The following FRAS1 variants were observed in gnomAD, a reference collection of about 807,000 sequenced individuals.
FRAS1 encodes the protein extracellular matrix organizing protein FRAS1.
A neutral mutation model predicts 435.2 loss-of-function variants in FRAS1; 290 were observed. That is an observed-to-expected ratio of 0.67 (90% CI 0.61 to 0.73). FRAS1 has a LOEUF of 0.73. Among genes scored for constraint, FRAS1 ranks in the 30% least tolerant of loss-of-function variants. FRAS1 has a pLI of 0.00. For missense variants in FRAS1, 4,860 were observed against 5,001.5 expected, an observed-to-expected ratio of 0.97 and a Z score of 0.85; for synonymous variants, 1,800 against 1,851.0, an observed-to-expected ratio of 0.97 and a Z score of 0.71.
chr4:78,481,884 G>A lies in FRAS1; in HGVS notation c.8524G>A (p.Asp2842Asn). 1 of 1,613,856 alleles carries A rather than the reference G, an allele frequency of 6.2e-7. No homozygotes were observed. Among genetic ancestry groups the A allele is most frequent in the Non-Finnish European group, 8.5e-7 (1 of 1,179,842 alleles). Residue 2842 changes from aspartate to asparagine, a missense_variant, in exon 57 of 74, where the codon GAC (aspartate) becomes AAC (asparagine). By Grantham distance (23) the Asp-to-Asn change is conservative. Coordinates refer to ENST00000512123, the MANE Select transcript of FRAS1 (RefSeq NM_025074.7). ...ASVWCATRPS[D>N]PASATPGVDY... ...TGTCTGGTGTGCAACGCGGCCCTCAGACCCAGCTTCTGCCACACCAGGAGT... is the reference window on the plus strand; with the variant it reads ...TGTCTGGTGTGCAACGCGGCCCTCAAACCCAGCTTCTGCCACACCAGGAGT...
chr4:78,204,827 A>G (rs1723190406), intron 2 of FRAS1, among the ~76,000 whole-genome samples: 1 of 152,260 alleles, frequency 6.6e-6, no homozygotes, highest in African/African-American at 2.4e-5. Context: ...AAATTTTGGG[A>G]AACTTCTAAG....
At chr4:78,114,121 C>G (rs1742957010) in intron 2 of FRAS1, among the ~76,000 whole-genome samples, 1 of 152,104 alleles carries the variant, frequency 6.6e-6, no homozygotes, top group Non-Finnish European at 1.5e-5. Flanking sequence ...TCAGGTTTGT[C>G]AAAGATCAGA....
intron 14 of FRAS1, among the ~76,000 whole-genome samples, chr4:78,307,261 T>G (rs562805901): frequency 6.6e-6 from 1 of 152,256 alleles, no homozygotes; most frequent in Non-Finnish European, 1.5e-5. Flanking sequence ...ACCACTGCTG[T>G]CTTCAAAGCT....
intron 63 of FRAS1, 63 bp downstream of exon 63, chr4:78,509,069 T>C: frequency 1.4e-6 from 2 of 1,427,488 alleles, no homozygotes; most frequent in South Asian, 2.3e-5. Context: ...TGTTCTTTGT[T>C]ACTCAGATAA....
intron 59 of FRAS1, among the ~76,000 whole-genome samples, chr4:78,489,511 G>A (rs1315064958): frequency 6.6e-6 from 1 of 152,146 alleles, no homozygotes; most frequent in Non-Finnish European, 1.5e-5. Flanking sequence ...CACTGTCTCA[G>A]GAGTAGAGAG....
chr4:78,137,254 G>A (rs1272381461), intron 2 of FRAS1, among the ~76,000 whole-genome samples: 1 of 152,138 alleles, frequency 6.6e-6, no homozygotes, highest in Admixed American at 6.5e-5. Flanking sequence ...CATGATCATA[G>A]TCAATTGTCC....
chr4:78,113,804 T>C (rs1180642951), intron 2 of FRAS1, among the ~76,000 whole-genome samples: 1 of 152,242 alleles, frequency 6.6e-6, no homozygotes, highest in African/African-American at 2.4e-5. Context: ...TGGTAGTTTC[T>C]TTTGCTGTGC....
At chr4:78,232,637 T>C (rs1201087811) in intron 2 of FRAS1, among the ~76,000 whole-genome samples, 1 of 152,220 alleles carries the variant, frequency 6.6e-6, no homozygotes, top group African/African-American at 2.4e-5. Flanking sequence ...AAAATTTTTC[T>C]GTAAACATAG....
At chr4:78,253,115 C>G (rs537798253) in intron 5 of FRAS1, among the ~76,000 whole-genome samples, 3 of 152,130 alleles carry the variant, frequency 2.0e-5, no homozygotes, top group Non-Finnish European at 2.9e-5. Flanking sequence ...GACCTCCCCC[C>G]AGGAATGCAT....
intron 20 of FRAS1, 98 bp downstream of exon 20, chr4:78,337,915 C>T (rs1392764579): frequency 8.4e-7 from 1 of 1,190,086 alleles, no homozygotes; most frequent in African/African-American, 1.5e-5. Flanking sequence ...AGTTTATGAG[C>T]TCTTTTATAG....
At chr4:78,143,367 T>C (rs937447522) in intron 2 of FRAS1, among the ~76,000 whole-genome samples, 180 of 152,128 alleles carry the variant, frequency 1.2e-3, no homozygotes, top group African/African-American at 4.1e-3. Flanking sequence ...CAAGGAGAAA[T>C]AGACAAACAC....
At chr4:78,094,149 A>G (rs1053340290) in intron 2 of FRAS1, among the ~76,000 whole-genome samples, 3 of 141,046 alleles carry the variant, frequency 2.1e-5, no homozygotes, top group African/African-American at 7.8e-5. Flanking sequence ...AAATGAAATT[A>G]GGAAAGCATG....
Position 78,292,794 on chromosome 4 carries a change from G to A in FRAS1, c.1534+6255G>A, listed in dbSNP as rs558825326. ...AACATACCCCAGGATTGGAGGGTTA[G>A]TCTCAGTTTCATTGCCGGGTCACAT... On this transcript the variant is annotated intron_variant, in intron 14 of 73. Coordinates refer to ENST00000512123, the MANE Select transcript of FRAS1 (RefSeq NM_025074.7). 2.8e-4 allele frequency among the ~76,000 whole-genome samples: 42 copies of A among 152,316 alleles called. No individual in the cohort carries two copies. The South Asian group carries it at 8.5e-3, about 31-fold the overall frequency.
chr4:78,406,624 A>T (rs1733106098), intron 30 of FRAS1, among the ~76,000 whole-genome samples: 1 of 152,190 alleles, frequency 6.6e-6, no homozygotes, highest in African/African-American at 2.4e-5. Context: ...TGGAGATACA[A>T]TTCAAGTTGA....
intron 2 of FRAS1, among the ~76,000 whole-genome samples, chr4:78,102,332 T>C (rs1742173351): frequency 6.6e-6 from 1 of 152,202 alleles, no homozygotes; most frequent in African/African-American, 2.4e-5. Flanking sequence ...GTGAAGTTCA[T>C]GCCCAGAATC....
intron 2 of FRAS1, among the ~76,000 whole-genome samples, chr4:78,129,856 T>C (rs1719596028): frequency 6.6e-6 from 1 of 151,886 alleles, no homozygotes; most frequent in African/African-American, 2.4e-5. Context: ...TCTCCAACTC[T>C]CCATTTTCTC....
chr4:78,429,370 C>G (rs1456224724), intron 36 of FRAS1, 144 bp downstream of exon 36: 14 of 1,055,446 alleles, frequency 1.3e-5, no homozygotes, highest in Non-Finnish European at 1.9e-5. Context: ...TTCCTCCTGC[C>G]CATTTCTATG....
chr4:78,319,132 A>C (rs77159527), intron 18 of FRAS1, 146 bp downstream of exon 18: 14,291 of 777,478 alleles, frequency 0.018, 187 homozygotes, highest in Middle Eastern at 0.025. Context: ...ACCAACGTGC[A>C]AAAGAGTAGC....
intron 2 of FRAS1, among the ~76,000 whole-genome samples, chr4:78,233,174 A>C (rs754425169): frequency 7.2e-5 from 11 of 152,120 alleles, no homozygotes; most frequent in Non-Finnish European, 1.6e-4. Context: ...AAGAAGTAAG[A>C]ATGTTGCATC....
Sources: allele counts gnomAD v4.1 joint callset (sites outside exome capture counted in the v4.1 genomes callset), GRCh38; gene constraint gnomAD v4.1.1; transcripts MANE v1.5; gene names NCBI Gene and HGNC (gene_info 2026-07-23, HGNC 2026-07-21).